SHB: variants seen among roughly 807,000 people sequenced by gnomAD.
SHB encodes SH2 domain containing adaptor protein B, also known as SH2 domain-containing adapter protein B.
In SHB, 20 loss-of-function variants were observed where a neutral mutation model predicts 52.3. The observed-to-expected ratio is 0.38, with a 90% CI of 0.27 to 0.56. SHB has a LOEUF of 0.56. Ranked by LOEUF, SHB falls within the 20% of genes least tolerant of loss-of-function variation. The pLI is 0.71. For synonymous variants in SHB, 397 were observed against 316.5 expected, an observed-to-expected ratio of 1.25 and a Z score of -2.70; for missense variants, 825 against 723.3, an observed-to-expected ratio of 1.14 and a Z score of -1.61.
At chr9:37,978,014 A>G (rs1378908955) in intron 2 of SHB, among the ~76,000 whole-genome samples, 1 of 152,224 alleles carries the variant, frequency 6.6e-6, no homozygotes, top group East Asian at 1.9e-4. Context: ...TACTCAGTGA[A>G]TGTGGTGGGA....
intron 1 of SHB, among the ~76,000 whole-genome samples, chr9:38,032,977 C>T (rs1255506142): frequency 6.6e-6 from 1 of 152,194 alleles, no homozygotes; most frequent in African/African-American, 2.4e-5. Context: ...CTAAAATATG[C>T]TGGCTGTTGT....
intron 2 of SHB, among the ~76,000 whole-genome samples, chr9:37,992,847 C>G (rs1053870404): frequency 1.3e-5 from 2 of 150,636 alleles, no homozygotes; most frequent in African/African-American, 4.9e-5. Context: ...GTCTGGTGAG[C>G]ACCATATACG....
At chr9:37,931,200 G>A (rs905271463) in intron 5 of SHB, among the ~76,000 whole-genome samples, 2 of 152,132 alleles carry the variant, frequency 1.3e-5, no homozygotes, top group African/African-American at 4.8e-5. Context: ...CACTGGCCTT[G>A]GCAATGATTT....
chr9:38,038,761 G>T (rs1821524357), intron 1 of SHB, among the ~76,000 whole-genome samples: 2 of 152,180 alleles, frequency 1.3e-5, no homozygotes, highest in African/African-American at 4.8e-5. Flanking sequence ...CCAATGAGCT[G>T]CCTGGGCATC....
chr9:37,974,548 G>A, intron 3 of SHB, 74 bp downstream of exon 3: 2 of 1,291,158 alleles, frequency 1.5e-6, no homozygotes, highest in African/African-American at 1.5e-5. Flanking sequence ...TTTGTCCTGA[G>A]CGCAGGTGGG....
At chr9:37,927,695 C>T (rs1226644797) in intron 5 of SHB, among the ~76,000 whole-genome samples, 1 of 152,180 alleles carries the variant, frequency 6.6e-6, no homozygotes, top group Non-Finnish European at 1.5e-5. Flanking sequence ...GATGAGCGCT[C>T]AGACTGAGGG....
chr9:37,948,894 G>A, intron 4 of SHB, 140 bp from the exon 5 acceptor site: 2 of 1,085,294 alleles, frequency 1.8e-6, no homozygotes, highest in Non-Finnish European at 2.6e-6. Context: ...GGTACCCACT[G>A]CCCGCCTGCT....
chr9:38,007,305 C>T (rs1821085828), intron 2 of SHB, among the ~76,000 whole-genome samples: 1 of 152,226 alleles, frequency 6.6e-6, no homozygotes, highest in Admixed American at 6.5e-5. Context: ...TATACTCATT[C>T]ATGCAATCGG....
chr9:37,982,093 G>T lies in SHB; in HGVS notation c.839-7256C>A, dbSNP rs1263379022. ...GAAGGTTGCCACAAACCTTCATTTT[G>T]TAAAAAAAAAAAAAATGCAATACCT... is the stretch of plus-strand genomic sequence containing the variant. On this transcript the variant is annotated intron_variant, in intron 2 of 5. Transcript: ENST00000377707. 4.8e-5 allele frequency among the ~76,000 whole-genome samples: 7 copies of T among 145,846 alleles called. No homozygotes were observed. The East Asian group carries it at 1.4e-3, about 29-fold the overall frequency.
intron 5 of SHB, among the ~76,000 whole-genome samples, chr9:37,942,866 C>T (rs932594736): frequency 2.6e-5 from 4 of 151,996 alleles, no homozygotes; most frequent in African/African-American, 9.7e-5. Context: ...CGGTCTGTGC[C>T]AGTTCACGTG....
At chr9:37,975,999 T>C (rs1253107472) in intron 2 of SHB, among the ~76,000 whole-genome samples, 1 of 152,200 alleles carries the variant, frequency 6.6e-6, no homozygotes, top group Non-Finnish European at 1.5e-5. Context: ...TATTTTTTAT[T>C]GTGGTAAAAT....
At position 37,917,288 on chromosome 9, in the gene SHB, G is replaced by A. The variant is rs1336524495; in HGVS notation, c.*2533C>T. 1.3e-5 allele frequency among the ~76,000 whole-genome samples: 2 copies of A among 152,156 alleles called. No individual in the cohort carries two copies. The highest frequency in any genetic ancestry group is 4.8e-5 in the African/African-American group (2 of 41,444). On this transcript the variant is annotated 3_prime_UTR_variant, in exon 6 of 6. Transcript: ENST00000377707. ...CTGCTGGCCTCTGTCCCTGAGAGGG[G>A]CAGGAGGTTGGGCCTCCCAGGGAAA...
intron 5 of SHB, among the ~76,000 whole-genome samples, chr9:37,934,411 C>T (rs893274923): frequency 1.3e-5 from 2 of 152,170 alleles, no homozygotes; most frequent in African/African-American, 4.8e-5. Flanking sequence ...GATCCTCCTG[C>T]CTCAGCCTCC....
chr9:38,045,590 AAC>A (rs1821641906), intron 1 of SHB, among the ~76,000 whole-genome samples: 1 of 152,164 alleles, frequency 6.6e-6, no homozygotes, highest in African/African-American at 2.4e-5. Context: ...CAGCCTGGAC[AAC>A]AGAGTGAGAC....
At chr9:38,039,751 G>C (rs1821546577) in intron 1 of SHB, among the ~76,000 whole-genome samples, 1 of 152,230 alleles carries the variant, frequency 6.6e-6, no homozygotes, top group African/African-American at 2.4e-5. Context: ...ATGAGTCCAG[G>C]CCAGGCTGGC....
At chr9:38,023,535 C>A (rs1052585693) in intron 1 of SHB, among the ~76,000 whole-genome samples, 4 of 152,146 alleles carry the variant, frequency 2.6e-5, no homozygotes, top group African/African-American at 9.7e-5. Context: ...GAAGACAGGA[C>A]AAAGACGTGA....
chr9:38,039,713 A>C (rs976917012), intron 1 of SHB, among the ~76,000 whole-genome samples: 1 of 152,260 alleles, frequency 6.6e-6, no homozygotes, highest in African/African-American at 2.4e-5. Context: ...CTGATATAAG[A>C]AGTACCTCAG....
intron 1 of SHB, among the ~76,000 whole-genome samples, chr9:38,035,124 T>C (rs1431029485): frequency 6.6e-6 from 1 of 151,882 alleles, no homozygotes. Flanking sequence ...GGGTATCTGT[T>C]GGGGGCATGC....
intron 1 of SHB, among the ~76,000 whole-genome samples, chr9:38,036,726 A>G (rs1001529905): frequency 6.6e-6 from 1 of 152,252 alleles, no homozygotes; most frequent in Non-Finnish European, 1.5e-5. Flanking sequence ...GACTTGAGAG[A>G]GCAAGGATGG....
Sources: allele counts gnomAD v4.1 joint callset (sites outside exome capture counted in the v4.1 genomes callset), GRCh38; gene constraint gnomAD v4.1.1; transcripts MANE v1.5; gene names NCBI Gene and HGNC (gene_info 2026-07-23, HGNC 2026-07-21).